The following PTPRN2 variants were observed in gnomAD, a reference collection of about 807,000 sequenced individuals.
The protein encoded by PTPRN2 is protein tyrosine phosphatase receptor type N2.
Under a neutral mutation model 118.8 loss-of-function variants are expected in PTPRN2, and 74 were observed. That is an observed-to-expected ratio of 0.62 (90% confidence interval 0.52 to 0.76). The LOEUF (loss-of-function observed/expected upper bound fraction) is 0.76, where lower values mean the gene tolerates loss of function less well. PTPRN2 is among the 30% of genes least tolerant of loss of function. PTPRN2 has a pLI of 0.00. For missense variants in PTPRN2, 1,481 were observed against 1,394.4 expected (o/e 1.06, Z -0.99); for synonymous variants, 641 against 608.0 (o/e 1.05, Z -0.80).
intron 11 of PTPRN2, among the ~76,000 whole-genome samples, chr7:157,948,252 A>G (rs1388477796): frequency 6.6e-6 from 1 of 152,214 alleles, no homozygotes; most frequent in African/African-American, 2.4e-5. Flanking sequence ...ATAATTATAA[A>G]TCTATGTTAA....
intron 2 of PTPRN2, among the ~76,000 whole-genome samples, chr7:158,386,933 C>T (rs1811431661): frequency 6.6e-6 from 1 of 152,194 alleles, no homozygotes; most frequent in African/African-American, 2.4e-5. Flanking sequence ...CCATGATGAA[C>T]ACGACTCCAC....
At chr7:157,937,908 C>T (rs555141105) in intron 11 of PTPRN2, among the ~76,000 whole-genome samples, 2 of 150,630 alleles carry the variant, frequency 1.3e-5, no homozygotes, top group African/African-American at 4.9e-5. Flanking sequence ...TGGGAATCTT[C>T]GTGACTATGT....
At chr7:157,843,493 A>G (rs548798502) in intron 12 of PTPRN2, among the ~76,000 whole-genome samples, 1 of 152,252 alleles carries the variant, frequency 6.6e-6, no homozygotes, top group South Asian at 2.1e-4. Flanking sequence ...TCAGCAAAGG[A>G]CTGTGCCTCT....
intron 10 of PTPRN2, among the ~76,000 whole-genome samples, chr7:158,095,579 A>G (rs1316274844): frequency 6.6e-6 from 1 of 152,080 alleles, no homozygotes; most frequent in African/African-American, 2.4e-5. Flanking sequence ...AGTCAAACCC[A>G]TGTGCCTTTG....
At chr7:158,083,820 C>T (rs1301484521) in intron 10 of PTPRN2, among the ~76,000 whole-genome samples, 2 of 151,696 alleles carry the variant, frequency 1.3e-5, no homozygotes, top group Non-Finnish European at 2.9e-5. Context: ...CTGGCTCTGG[C>T]CCTTGTGCTC....
At chr7:157,865,794 A>G (rs944578478) in intron 12 of PTPRN2, 2 of 151,994 alleles carry the variant, frequency 1.3e-5, no homozygotes, top group Admixed American at 6.5e-5. Context: ...CCAGGTCCTG[A>G]TGTTACTTGT....
Position 158,430,340 on chromosome 7 carries a change from GC to G in PTPRN2, c.163+59394del, listed in dbSNP as rs1274950806. On this transcript the variant is annotated intron_variant, in intron 2 of 22. Transcript: ENST00000389418. ...AGGTGAGGGAGAGCAGCCTGCTGGC[GC>G]TCACAGGCTGAGGGGCCTGTAGACC... Among the ~76,000 whole-genome samples the G allele has an allele frequency of 2.6e-5, 4 of 152,330 alleles. 1 individual carries two copies. The highest frequency in any genetic ancestry group is 9.6e-5 in the African/African-American group (4 of 41,568).
intron 11 of PTPRN2, among the ~76,000 whole-genome samples, chr7:158,008,014 G>T (rs1227209816): frequency 6.7e-6 from 1 of 148,990 alleles, no homozygotes; most frequent in African/African-American, 2.5e-5. Context: ...GCACGTGTGA[G>T]TGTGTGTGCT....
Position 158,261,113 on chromosome 7 carries a change from G to A in PTPRN2, c.277+55706C>T, listed in dbSNP as rs1437537647. ...GCTCCGACTGGCTGAGTCTGTGTCA[G>A]CGTCAGCAACAGTGCCCATCCCGAG... On this transcript the variant is annotated intron_variant, in intron 3 of 22. Transcript: ENST00000389418. Among the ~76,000 whole-genome samples the A allele has an allele frequency of 3.9e-5, 6 of 152,162 alleles. No individual in the cohort carries two copies. The East Asian group carries it at 5.8e-4, about 15-fold the overall frequency.
intron 13 of PTPRN2, among the ~76,000 whole-genome samples, chr7:157,675,165 C>T (rs1039497794): frequency 2.6e-5 from 4 of 152,216 alleles, no homozygotes; most frequent in African/African-American, 9.6e-5. Context: ...CTCCTCCCAA[C>T]ACCCACTTTA....
chr7:158,181,126 T>G (rs1405161143), intron 5 of PTPRN2, among the ~76,000 whole-genome samples: 1 of 152,092 alleles, frequency 6.6e-6, no homozygotes, highest in Admixed American at 6.6e-5. Flanking sequence ...CTGTGCCGAG[T>G]TTGTTGAGAG....
chr7:158,280,633 A>G (rs937631537), intron 3 of PTPRN2, among the ~76,000 whole-genome samples: 22 of 152,120 alleles, frequency 1.4e-4, no homozygotes, highest in African/African-American at 5.3e-4. Flanking sequence ...AGCCTGGGGG[A>G]GCCGGACGGG....
chr7:157,800,547 C>T (rs750755019), intron 12 of PTPRN2, among the ~76,000 whole-genome samples: 1 of 152,212 alleles, frequency 6.6e-6, no homozygotes, highest in African/African-American at 2.4e-5. Flanking sequence ...CTCGTACGGA[C>T]GTTCTGTGGA....
In PTPRN2 at chr7:158,126,577, C is replaced by G. The variant is rs1301326710; in HGVS notation, c.1556+7100G>C. ...AACTTCCTCTCCGCCACACCAGCCCCCAGGACAGCGGGCGGCGGAACTTCC... is the reference window on the plus strand; with the variant it reads ...AACTTCCTCTCCGCCACACCAGCCCGCAGGACAGCGGGCGGCGGAACTTCC... On this transcript the variant is annotated intron_variant, in intron 9 of 22. Transcript: ENST00000389418. Among the ~76,000 whole-genome samples the G allele has an allele frequency of 1.1e-4, 8 of 76,084 alleles. 1 individual carries two copies. The highest frequency in any genetic ancestry group is 8.1e-4 in the Admixed American group (7 of 8,624). 49.9% of individuals were successfully genotyped at this position (76,084 alleles called of 152,430 possible). A position where few individuals can be genotyped will look rare whatever the true frequency, so the allele number is the denominator to read the frequency against.
At chr7:157,755,519 T>C (rs934729746) in intron 12 of PTPRN2, among the ~76,000 whole-genome samples, 8 of 152,170 alleles carry the variant, frequency 5.3e-5, no homozygotes, top group Non-Finnish European at 1.0e-4. Context: ...ATGTGGTCCA[T>C]ATACACCGTG....
rs546179546 is a variant in PTPRN2 at position 157,632,626 on chromosome 7, AAAGACT to A, written c.2197-11123_2197-11118del. Among the ~76,000 whole-genome samples, 132 of 152,300 alleles carry A rather than the reference AAAGACT, an allele frequency of 8.7e-4. No individual in the cohort carries two copies. The highest frequency in any genetic ancestry group is 2.9e-3 in the African/African-American group (122 of 41,574). On this transcript the variant is annotated intron_variant, in intron 14 of 22. Transcript: ENST00000389418. This position sits in a 1 kb window ranked among gnomAD's most constrained non-coding sequence, Gnocchi z 4.3. ...AGGGGGTGACAGGGGTCACCTGCAGAAAGACTAAGAAAGAAGCTGTTTAATAATGGG... is the reference window on the plus strand; with the variant it reads ...AGGGGGTGACAGGGGTCACCTGCAGAAAGAAAGAAGCTGTTTAATAATGGG...
chr7:158,367,213 G>A (rs988888468), intron 2 of PTPRN2, among the ~76,000 whole-genome samples: 19 of 152,204 alleles, frequency 1.2e-4, no homozygotes, highest in Non-Finnish European at 2.6e-4. Flanking sequence ...CTGCTGCTAC[G>A]GCAGCTGAAT....
chr7:158,145,661 C>T (rs1585607036), intron 6 of PTPRN2, among the ~76,000 whole-genome samples: 1 of 152,336 alleles, frequency 6.6e-6, no homozygotes. Context: ...ACAGGGGCTC[C>T]CCTGCCGTGG....
intron 14 of PTPRN2, among the ~76,000 whole-genome samples, chr7:157,648,890 C>G (rs1421635702): frequency 2.7e-5 from 4 of 147,742 alleles, no homozygotes; most frequent in African/African-American, 7.4e-5. Flanking sequence ...CCAGCGTGCA[C>G]TGAACTCGGT....
Sources: gnomAD v4.1 joint callset for allele counts (sites outside exome capture counted in the v4.1 genomes callset) on GRCh38, gnomAD v4.1.1 for gene constraint, Gnocchi (gnomAD v3.1) non-coding constraint, MANE v1.5 for transcripts, NCBI Gene and HGNC (gene_info 2026-07-23, HGNC 2026-07-21) for gene names.